EMILIN3: variants seen among roughly 807,000 people sequenced by gnomAD.
EMILIN3 encodes elastin microfibril interfacer 3.
Under a neutral mutation model 42.8 loss-of-function variants are expected in EMILIN3, and 38 were observed. The ratio of observed to expected loss-of-function variants is 0.89; its 90% CI spans 0.69 to 1.16. EMILIN3 has a LOEUF of 1.16. Ranked by LOEUF, EMILIN3 falls within the 50% of genes most tolerant of loss-of-function variation. The probability of loss-of-function intolerance (pLI) is 0.00; values close to 1 mark genes in which losing one functional copy is unlikely to be tolerated. For synonymous variants in EMILIN3, 430 were observed against 440.5 expected, an observed-to-expected ratio of 0.98 and a Z score of 0.30; for missense variants, 924 against 999.5, an observed-to-expected ratio of 0.92 and a Z score of 1.02.
chr20:41,363,760 T>C lies in EMILIN3; in HGVS notation c.392A>G (p.Glu131Gly), dbSNP rs1238109251. 1 of 1,614,102 alleles carries C rather than the reference T, an allele frequency of 6.2e-7. No homozygotes were observed. The highest frequency in any genetic ancestry group is 1.7e-5 in the Admixed American group (1 of 60,028). Residue 131 changes from glutamate (E) to glycine (G), a missense_variant, in exon 3 of 4, where the codon GAG becomes GGG. Physicochemically the swap from Glu to Gly is moderately conservative, Grantham distance 98. Transcript: ENST00000332312. ...GGCAGCCCCATGGTCCGTGAGGTGC[T>C]CAGGGCAGCGTTTCCCAGTGAAGCC... is the stretch of plus-strand genomic sequence containing the variant. Reference protein sequence around the residue: ...CPGFTGKRCPEHLTDHGAASP... With the variant: ...CPGFTGKRCPGHLTDHGAASP...
intron 1 of EMILIN3, among the ~76,000 whole-genome samples, chr20:41,365,467 C>A (rs1397545938): frequency 2.7e-5 from 2 of 73,620 alleles, no homozygotes; most frequent in African/African-American, 1.6e-4. Context: ...CCTGCCACAC[C>A]CCCCCATCCT....
chr20:41,366,516 C>T lies in EMILIN3; in HGVS notation c.119G>A (p.Ser40Asn). The change falls in exon 1 of 4, where the codon AGT (serine) becomes AAT (asparagine). Residue 40 changes from serine to asparagine, a missense_variant. Transcript: ENST00000332312. This position sits in a 1 kb window ranked among gnomAD's most constrained non-coding sequence, Gnocchi z 4.2. ...CGGGCGCCATCCCGTCGTGTAGAGACTGTAGCGGGAGGCACCGGGCGGCGC... is the reference window on the plus strand; with the variant it reads ...CGGGCGCCATCCCGTCGTGTAGAGATTGTAGCGGGAGGCACCGGGCGGCGC... ...RPAPPGASRY[S>N]LYTTGWRPRL... 8.6e-7 allele frequency: 1 copy of T among 1,163,518 alleles called. No homozygotes were observed. The highest frequency in any genetic ancestry group is 1.1e-6 in the Non-Finnish European group (1 of 945,780). 72.1% of individuals were successfully genotyped at this position (1,163,518 alleles called of 1,614,324 possible). A position where few individuals can be genotyped will look rare whatever the true frequency, so the allele number is the denominator to read the frequency against.
rs887762814 is a variant in EMILIN3 at position 41,361,556 on chromosome 20, C to T, written c.2013G>A (p.Gly671=). ...LKAGVAKVAS[G]LSRCQDTAQK... Reference sequence around the variant, plus strand: ...GGGCTGTGTCCTGGCAGCGGCTCAGCCCACTGGCCACCTTGGCCACACCAG... The same window carrying T: ...GGGCTGTGTCCTGGCAGCGGCTCAGTCCACTGGCCACCTTGGCCACACCAG... Residue 671 remains glycine (G), a synonymous_variant, in exon 4 of 4, where the codon GGG becomes GGA. Transcript: ENST00000332312. The T allele has an allele frequency of 6.8e-6, 11 of 1,611,458 alleles. No individual in the cohort carries two copies. Among genetic ancestry groups the T allele is most frequent in the Non-Finnish European group, 9.3e-6 (11 of 1,179,764 alleles).
At position 41,362,069 on chromosome 20, in the gene EMILIN3, C is replaced by A; in HGVS notation, c.1500G>T (p.Arg500=). 1.9e-6 allele frequency: 3 copies of A among 1,608,404 alleles called. No individual in the cohort carries two copies. The highest frequency in any genetic ancestry group is 8.5e-7 in the Non-Finnish European group (1 of 1,175,480). Residue 500 remains arginine (R), a synonymous_variant, in exon 4 of 4, where the codon CGG becomes CGT. Coordinates refer to ENST00000332312, the MANE Select transcript of EMILIN3 (RefSeq NM_052846.2). ...CAGCCAGCTCTGTCTGTACAAGGGG[C>A]CGAGCTGACCTGCCCGGAGAGGCGC... ...HDSASPGRSA[R]PLVQTELAVL...
chr20:41,366,591 G>A lies in EMILIN3; in HGVS notation c.44C>T (p.Ala15Val), dbSNP rs532334199. ...CCTGGCCTGCGCCCCCGAGAGCAGCGCCGCGACGGCGCACAGCCAGACGAG... is the reference window on the plus strand; with the variant it reads ...CCTGGCCTGCGCCCCCGAGAGCAGCACCGCGACGGCGCACAGCCAGACGAG... ...RLLVWLCAVA[A>V]LLSGAQARGT... Residue 15 changes from alanine to valine, a missense_variant, in exon 1 of 4, where the codon GCG becomes GTG. Coordinates refer to ENST00000332312, the MANE Select transcript of EMILIN3 (RefSeq NM_052846.2). The surrounding 1 kb of genome is among the most constrained non-coding windows in gnomAD (Gnocchi z 4.2). The A allele has an allele frequency of 1.9e-4, 213 of 1,102,782 alleles. No homozygotes were observed. Among genetic ancestry groups the A allele is most frequent in the Non-Finnish European group, 2.3e-4 (207 of 906,876 alleles). The allele number at this position is 1,102,782 out of a possible 1,614,324, so 68.3% of individuals were successfully genotyped here.
Position 41,361,478 on chromosome 20 carries a change from C to T in EMILIN3, c.2091G>A (p.Glu697=), listed in dbSNP as rs1241360691. 6.2e-7 allele frequency: 1 copy of T among 1,608,682 alleles called. No homozygotes were observed. The stretch of plus-strand genomic sequence containing the variant: ...GCAGGCCCAGCCTCCTGCACGCACC[C>T]TCCACTTGTGCCACCCGCTGGTCAA... The part of the protein sequence containing the change: ...GHFDQRVAQV[E]GACRRLGLLA... The change falls in exon 4 of 4, where the codon GAG becomes GAA. Residue 697 remains glutamate (E), a synonymous_variant. Coordinates refer to ENST00000332312, the MANE Select transcript of EMILIN3 (RefSeq NM_052846.2).
rs1053055203 is a variant in EMILIN3 at position 41,362,593 on chromosome 20, C to A, written c.976G>T (p.Val326Phe). 9 of 1,601,374 alleles carry A rather than the reference C, an allele frequency of 5.6e-6. No homozygotes were observed. In the South Asian group the frequency reaches 7.7e-5, roughly 14 times the overall value. ...ACCCGCAGGTCACACTCACTCTGGA[C>A]GCCTTGCAGCTTCTGCTCAAAGCCA... ...LDGFEQKLQGVQSECDLRVQE... is the reference protein window; with the variant it reads ...LDGFEQKLQGFQSECDLRVQE... The change falls in exon 4 of 4, where the codon GTC becomes TTC. Residue 326 changes from valine to phenylalanine, a missense_variant. Val to Phe is a conservative substitution (Grantham distance 50, BLOSUM62 -1). Coordinates refer to ENST00000332312, the MANE Select transcript of EMILIN3 (RefSeq NM_052846.2).
chr20:41,366,403 G>T lies in EMILIN3; in HGVS notation c.167+65C>A, dbSNP rs1013904815. ...CGACGCCCCCCGCGGGTGCGGGCAG[G>T]TGGGAGCGGCGACGCGCGCGGGCCC... On this transcript the variant is annotated intron_variant, in intron 1 of 3. Coordinates refer to ENST00000332312, the MANE Select transcript of EMILIN3 (RefSeq NM_052846.2). This position sits in a 1 kb window ranked among gnomAD's most constrained non-coding sequence, Gnocchi z 4.2. The T allele has an allele frequency of 7.4e-6, 8 of 1,073,826 alleles. No homozygotes were observed. The highest frequency in any genetic ancestry group is 9.0e-6 in the Non-Finnish European group (8 of 884,004). 66.5% of individuals were successfully genotyped at this position (1,073,826 alleles called of 1,614,324 possible). A position where few individuals can be genotyped will look rare whatever the true frequency, so the allele number is the denominator to read the frequency against.
In EMILIN3 at chr20:41,361,457, G is replaced by A. The variant is rs768801473; in HGVS notation, c.2112C>T (p.Gly704=). Residue 704 remains glycine, a synonymous_variant, in exon 4 of 4, where the codon GGC becomes GGT. Coordinates refer to ENST00000332312, the MANE Select transcript of EMILIN3 (RefSeq NM_052846.2). ...AGCTGTCCAGGCCCGCGGCCAGCAG[G>A]CCCAGCCTCCTGCACGCACCCTCCA... ...AQVEGACRRL[G]LLAAGLDSLP... is the part of the protein sequence containing the mutation. 2.5e-6 allele frequency: 4 copies of A among 1,605,982 alleles called. No homozygotes were observed. The highest frequency in any genetic ancestry group is 2.6e-6 in the Non-Finnish European group (3 of 1,175,154).
In EMILIN3 at chr20:41,362,896, C is replaced by A; in HGVS notation, c.673G>T (p.Gly225Cys). ...GGPRAPAVPV[G>C]FGVIPEGLVG... ...AGCCCCTCAGGGATGACCCCAAAGC[C>A]CACAGGGACAGCAGGAGCCCTGGGG... is the stretch of plus-strand genomic sequence containing the variant. The change falls in exon 4 of 4, where the codon GGC (glycine) becomes TGC (cysteine). Residue 225 changes from glycine to cysteine, a missense_variant. By Grantham distance (159) the Gly-to-Cys change is radical. Transcript: ENST00000332312. 6.2e-7 allele frequency: 1 copy of A among 1,613,696 alleles called. No individual in the cohort carries two copies. Among genetic ancestry groups the A allele is most frequent in the South Asian group, 1.1e-5 (1 of 91,074 alleles).
Position 41,360,171 on chromosome 20 carries a change from G to C in EMILIN3, c.*1097C>G, listed in dbSNP as rs2046340722. ...GAGTCTCTGGGAACTGCATAGGCCT[G>C]AGGAACATGCATTTTCAAGTTGTCC... On this transcript the variant is annotated 3_prime_UTR_variant, in exon 4 of 4. Coordinates refer to ENST00000332312, the MANE Select transcript of EMILIN3 (RefSeq NM_052846.2). 1 of 152,626 alleles carries C rather than the reference G, an allele frequency of 6.6e-6. No homozygotes were observed. Among genetic ancestry groups the C allele is most frequent in the Non-Finnish European group, 1.5e-5 (1 of 68,046 alleles). The allele number at this position is 152,626 out of a possible 1,614,324, so 9.5% of individuals were successfully genotyped here. A position where few individuals can be genotyped will look rare whatever the true frequency, so the allele number is the denominator to read the frequency against.
Position 41,361,089 on chromosome 20 carries a change from C to T in EMILIN3, c.*179G>A. ...GCTGTCCGGAACTGTCCAGTTTCTG[C>T]AGCACTGTGCATGGGTTTTGGTGGC... On this transcript the variant is annotated 3_prime_UTR_variant, in exon 4 of 4. Transcript: ENST00000332312. 1 of 599,580 alleles carries T rather than the reference C, an allele frequency of 1.7e-6. No individual in the cohort carries two copies. Among genetic ancestry groups the T allele is most frequent in the Non-Finnish European group, 2.9e-6 (1 of 350,176 alleles). The allele number at this position is 599,580 out of a possible 1,614,324, so 37.1% of individuals were successfully genotyped here.
In EMILIN3 at chr20:41,362,857, C is replaced by T; in HGVS notation, c.712G>A (p.Asp238Asn). Residue 238 changes from aspartate (D) to asparagine (N), a missense_variant, in exon 4 of 4, where the codon GAC becomes AAC. Asp to Asn is a conservative substitution (Grantham distance 23, BLOSUM62 1). Transcript: ENST00000332312. ...VIPEGLVGPG[D>N]RARGPLTPPL... ...GGTGTTAGTGGCCCTCTGGCTCTGT[C>T]TCCTGGGCCCACAAGCCCCTCAGGG... is the stretch of plus-strand genomic sequence containing the variant. 6.2e-7 allele frequency: 1 copy of T among 1,614,004 alleles called. No individual in the cohort carries two copies. The highest frequency in any genetic ancestry group is 8.5e-7 in the Non-Finnish European group (1 of 1,179,948).
chr20:41,362,371 T>A lies in EMILIN3; in HGVS notation c.1198A>T (p.Arg400Trp). ...GTCTCGGTGACTGCCTGCAGGGCCC[T>A]CTCAAGGCCATCCATACGGGCATTG... Reference protein sequence around the residue: ...LINARMDGLERALQAVTETQR... With the variant: ...LINARMDGLEWALQAVTETQR... The change falls in exon 4 of 4, where the codon AGG becomes TGG. Residue 400 changes from arginine (R) to tryptophan (W), a missense_variant. Coordinates refer to ENST00000332312, the MANE Select transcript of EMILIN3 (RefSeq NM_052846.2). 1 of 1,606,536 alleles carries A rather than the reference T, an allele frequency of 6.2e-7. No homozygotes were observed. The highest frequency in any genetic ancestry group is 2.2e-5 in the East Asian group (1 of 44,844).
chr20:41,362,680 G>A lies in EMILIN3; in HGVS notation c.889C>T (p.Leu297=), dbSNP rs764160283. The A allele has an allele frequency of 1.2e-6, 2 of 1,612,654 alleles. No homozygotes were observed. The highest frequency in any genetic ancestry group is 1.1e-5 in the South Asian group (1 of 91,054). Residue 297 remains leucine, a synonymous_variant, in exon 4 of 4, where the codon CTG becomes TTG. Transcript: ENST00000332312. ...TCCACGTACTCCTCCAGCAGGGCCA[G>A]GGAGGTGAGCGGGGATGGTGGGGCT... ...REAPPSPLTS[L]ALLEEYVDRR...
intron 1 of EMILIN3, among the ~76,000 whole-genome samples, chr20:41,365,752 T>C (rs1236285129): frequency 1.3e-5 from 2 of 152,188 alleles, no homozygotes; most frequent in African/African-American, 4.8e-5. Context: ...TCAGCTAGAA[T>C]TCAAGTTCAG....
Position 41,362,199 on chromosome 20 carries a change from T to A in EMILIN3, c.1370A>T (p.Asp457Val). Residue 457 changes from aspartate (D) to valine (V), a missense_variant, in exon 4 of 4, where the codon GAC (aspartate) becomes GTC (valine). Asp to Val is a radical substitution (Grantham distance 152). Coordinates refer to ENST00000332312, the MANE Select transcript of EMILIN3 (RefSeq NM_052846.2). Reference protein sequence around the residue: ...GGARGCCLRLDMGGWGVGGFG... With the variant: ...GGARGCCLRLVMGGWGVGGFG... ...GCCGCCCACTCCCCACCCCCCCATG[T>A]CCAACCTCAGACAGCATCCCCTTGC... 7 of 1,452,058 alleles carry A rather than the reference T, an allele frequency of 4.8e-6. No individual in the cohort carries two copies. Among genetic ancestry groups the A allele is most frequent in the Non-Finnish European group, 6.6e-6 (7 of 1,055,638 alleles). 89.9% of individuals were successfully genotyped at this position (1,452,058 alleles called of 1,614,324 possible).
At chr20:41,363,324 G>A (rs113717019) in intron 3 of EMILIN3, among the ~76,000 whole-genome samples, 4,956 of 152,114 alleles carry the variant, frequency 0.033, 110 homozygotes, top group Non-Finnish European at 0.056. Context: ...TCTATCTTTA[G>A]TAGAGATGGG....
Position 41,361,954 on chromosome 20 carries a change from C to T in EMILIN3, c.1615G>A (p.Ala539Thr), listed in dbSNP as rs771775276. The T allele has an allele frequency of 6.8e-6, 11 of 1,612,300 alleles. No individual in the cohort carries two copies. Among genetic ancestry groups the T allele is most frequent in the African/African-American group, 1.3e-5 (1 of 74,930 alleles). ...ILDSLVAEVK[A>T]WQSRSEALLR... is the part of the protein sequence containing the mutation. ...AGGGCCTCGCTCCGGCTCTGCCAGG[C>T]CTTCACCTCTGCCACGAGGCTGTCC... The change falls in exon 4 of 4, where the codon GCC becomes ACC. Residue 539 changes from alanine (A) to threonine (T), a missense_variant. Transcript: ENST00000332312.
Sources: gnomAD v4.1 joint callset for allele counts (sites outside exome capture counted in the v4.1 genomes callset) on GRCh38, gnomAD v4.1.1 for gene constraint, Gnocchi (gnomAD v3.1) non-coding constraint, MANE v1.5 for transcripts, NCBI Gene and HGNC (gene_info 2026-07-23, HGNC 2026-07-21) for gene names.